TMEM131L: variants seen among roughly 807,000 people sequenced by gnomAD.
TMEM131L encodes the protein transmembrane 131 like, also known as transmembrane protein 131-like.
TMEM131L carries 54 observed loss-of-function variants against 192.2 expected under a neutral mutation model. That is an observed-to-expected ratio of 0.28 (90% CI 0.23 to 0.35). The LOEUF (loss-of-function observed/expected upper bound fraction) is 0.35. TMEM131L is among the 10% of genes least tolerant of loss of function. The pLI, the probability that TMEM131L is intolerant of heterozygous loss-of-function variation, is 1.00. For synonymous variants in TMEM131L, 701 were observed against 704.9 expected (o/e 0.99, Z 0.09); for missense variants, 1,888 against 1,972.9 (o/e 0.96, Z 0.82).
chr4:153,625,793 A>T (rs1561256380), intron 29 of TMEM131L, among the ~76,000 whole-genome samples: 1 of 151,902 alleles, frequency 6.6e-6, no homozygotes, highest in Non-Finnish European at 1.5e-5. Context: ...CTGTAATCCC[A>T]CCTACTTGGG....
intron 9 of TMEM131L, among the ~76,000 whole-genome samples, chr4:153,582,721 C>T (rs1303422798): frequency 6.6e-6 from 1 of 152,008 alleles, no homozygotes; most frequent in Non-Finnish European, 1.5e-5. Context: ...GAGGGCAGAT[C>T]CCTGACCCAT....
intron 3 of TMEM131L, among the ~76,000 whole-genome samples, chr4:153,538,171 C>G (rs1205586752): frequency 6.6e-6 from 1 of 152,212 alleles, no homozygotes; most frequent in East Asian, 1.9e-4. Context: ...TTCTTATTGA[C>G]TATGCTCCTT....
At chr4:153,559,299 G>GA (rs1190826417) in intron 7 of TMEM131L, among the ~76,000 whole-genome samples, 1 of 152,104 alleles carries the variant, frequency 6.6e-6, no homozygotes, top group Non-Finnish European at 1.5e-5. Flanking sequence ...TTATAAAATG[G>GA]AAAAGCCCCT....
chr4:153,535,779 C>G (rs557647466), intron 3 of TMEM131L, among the ~76,000 whole-genome samples: 24 of 152,168 alleles, frequency 1.6e-4, no homozygotes, highest in Non-Finnish European at 3.4e-4. Flanking sequence ...AGGAAAGTGT[C>G]TGATATTCTA....
chr4:153,473,899 A>T lies in TMEM131L; in HGVS notation c.239+11A>T. The T allele has an allele frequency of 6.5e-7, 1 of 1,542,690 alleles. No individual in the cohort carries two copies. The highest frequency in any genetic ancestry group is 8.8e-7 in the Non-Finnish European group (1 of 1,141,778). On this transcript the variant is annotated intron_variant, in intron 3 of 34. Transcript: ENST00000409959. ...TTCTCAAGAACAGAGGTAAGGAAAAAATGGGGGTGGAAACCTGCATGCTGA... is the reference window on the plus strand; with the variant it reads ...TTCTCAAGAACAGAGGTAAGGAAAATATGGGGGTGGAAACCTGCATGCTGA...
chr4:153,585,725 TA>T (rs1730659172), intron 13 of TMEM131L, 114 bp downstream of exon 13: 1 of 597,080 alleles, frequency 1.7e-6, no homozygotes, highest in Non-Finnish European at 2.5e-6. Flanking sequence ...GCTATGAAGT[TA>T]TTATTTATAT....
intron 3 of TMEM131L, among the ~76,000 whole-genome samples, chr4:153,538,159 G>T (rs975684535): frequency 2.0e-5 from 3 of 152,192 alleles, no homozygotes; most frequent in African/African-American, 7.2e-5. Flanking sequence ...AAATGGCAGT[G>T]GTTCTTATTG....
At chr4:153,585,802 T>G (rs1257063938) in intron 13 of TMEM131L, among the ~76,000 whole-genome samples, 191 bp downstream of exon 13, 1 of 152,148 alleles carries the variant, frequency 6.6e-6, no homozygotes, top group Non-Finnish European at 1.5e-5. Flanking sequence ...TTTAGGAGAC[T>G]TCTCTTTCTC....
intron 25 of TMEM131L, among the ~76,000 whole-genome samples, chr4:153,608,791 G>C (rs544183795): frequency 1.3e-5 from 2 of 152,318 alleles, no homozygotes; most frequent in East Asian, 3.9e-4. Context: ...ACTTTAAGCA[G>C]GTTACTGAGG....
intron 3 of TMEM131L, 136 bp downstream of exon 3, chr4:153,474,024 C>A: frequency 3.6e-6 from 2 of 548,320 alleles, no homozygotes; most frequent in Non-Finnish European, 3.2e-6. Flanking sequence ...TGGCATTTGT[C>A]GTATCTATAC....
intron 26 of TMEM131L, among the ~76,000 whole-genome samples, chr4:153,617,478 G>A (rs551917406): frequency 6.6e-5 from 10 of 152,290 alleles, no homozygotes; most frequent in African/African-American, 2.2e-4. Context: ...CCTCTGTGCG[G>A]CAAAAATTGT....
intron 18 of TMEM131L, 92 bp from the exon 19 acceptor site, chr4:153,593,707 T>C: frequency 1.2e-6 from 1 of 811,034 alleles, no homozygotes; most frequent in Non-Finnish European, 2.1e-6. Context: ...TACTCACCTA[T>C]GTATAAATGT....
intron 7 of TMEM131L, among the ~76,000 whole-genome samples, chr4:153,566,725 A>C (rs1037560856): frequency 2.6e-5 from 4 of 152,186 alleles, no homozygotes. Flanking sequence ...ATCACAATTA[A>C]TAGTTGGTTG....
At chr4:153,532,457 A>G (rs1184614063) in intron 3 of TMEM131L, among the ~76,000 whole-genome samples, 3 of 151,978 alleles carry the variant, frequency 2.0e-5, no homozygotes, top group African/African-American at 7.3e-5. Flanking sequence ...AAAAAAAAAA[A>G]AAGCTTTATT....
intron 2 of TMEM131L, among the ~76,000 whole-genome samples, chr4:153,468,007 C>T (rs917847710): frequency 3.3e-5 from 5 of 152,254 alleles, no homozygotes; most frequent in African/African-American, 4.8e-5. Flanking sequence ...GGTAGTGATC[C>T]AAAATGCATT....
At chr4:153,532,277 G>A (rs947382573) in intron 3 of TMEM131L, among the ~76,000 whole-genome samples, 36 of 152,166 alleles carry the variant, frequency 2.4e-4, no homozygotes, top group African/African-American at 8.2e-4. Flanking sequence ...ATGTACAGGA[G>A]GCGTATGTGT....
At chr4:153,587,714 G>A (rs1730790247) in intron 14 of TMEM131L, 28 bp from the exon 15 acceptor site, 4 of 1,505,758 alleles carry the variant, frequency 2.7e-6, no homozygotes, top group African/African-American at 2.7e-5. Context: ...TGTGTTTTAA[G>A]TTATTCATAT....
chr4:153,625,410 T>G (rs1033544680), intron 29 of TMEM131L, among the ~76,000 whole-genome samples: 9 of 151,820 alleles, frequency 5.9e-5, no homozygotes, highest in Non-Finnish European at 1.0e-4. Flanking sequence ...AGGGGGTACA[T>G]TAGTTAAGAA....
intron 3 of TMEM131L, among the ~76,000 whole-genome samples, chr4:153,535,356 C>T (rs1336129096): frequency 1.3e-5 from 2 of 151,986 alleles, no homozygotes; most frequent in Non-Finnish European, 2.9e-5. Flanking sequence ...TGTGGATGGG[C>T]AGTTGGGAAG....
Sources: gnomAD v4.1 joint callset for allele counts (sites outside exome capture counted in the v4.1 genomes callset) on GRCh38, gnomAD v4.1.1 for gene constraint, MANE v1.5 for transcripts, NCBI Gene and HGNC (gene_info 2026-07-23, HGNC 2026-07-21) for gene names.